Variants in EML1 observed in about 807,000 individuals in gnomAD.
EML1 encodes the protein EMAP like 1.
In EML1, 27 loss-of-function variants were observed where a neutral mutation model predicts 110.4. The ratio of observed to expected loss-of-function variants is 0.24; its 90% confidence interval spans 0.18 to 0.34. The LOEUF is 0.34. Among genes scored for constraint, EML1 ranks in the 10% least tolerant of loss-of-function variants. The pLI is 1.00. For synonymous variants in EML1, 344 were observed against 385.8 expected (o/e 0.89, Z 1.27); for missense variants, 741 against 1,030.9 (o/e 0.72, Z 3.85).
chr14:99,814,479 A>G (rs2058134353), intron 1 of EML1, among the ~76,000 whole-genome samples: 1 of 152,066 alleles, frequency 6.6e-6, no homozygotes, highest in Non-Finnish European at 1.5e-5. Flanking sequence ...TGCCCAGACC[A>G]GTCTCAAACT....
chr14:99,826,211 C>T (rs1169343837), intron 1 of EML1, among the ~76,000 whole-genome samples: 1 of 145,690 alleles, frequency 6.9e-6, no homozygotes, highest in East Asian at 2.1e-4. Flanking sequence ...CTCCCAGGTT[C>T]AAGCAATTCT....
intron 4 of EML1, among the ~76,000 whole-genome samples, chr14:99,888,615 C>A (rs2059524690): frequency 6.6e-6 from 1 of 152,130 alleles, no homozygotes; most frequent in Non-Finnish European, 1.5e-5. Flanking sequence ...GCTTAGCACA[C>A]AGAAAATGAC....
chr14:99,877,285 A>G (rs1387511700), intron 3 of EML1, among the ~76,000 whole-genome samples: 1 of 152,046 alleles, frequency 6.6e-6, no homozygotes, highest in Non-Finnish European at 1.5e-5. Context: ...CACCTCCCAA[A>G]GGCCCCACCC....
At chr14:99,938,249 G>C (rs531899075) in intron 20 of EML1, among the ~76,000 whole-genome samples, 1 of 151,986 alleles carries the variant, frequency 6.6e-6, no homozygotes, top group South Asian at 2.1e-4. Context: ...CATTTGTGAG[G>C]GTTATTATTT....
chr14:99,880,517 AAGG>A (rs1477753865), intron 4 of EML1, among the ~76,000 whole-genome samples: 1 of 152,156 alleles, frequency 6.6e-6, no homozygotes, highest in Non-Finnish European at 1.5e-5. Context: ...CAGGGAAGGA[AAGG>A]AGTAGGGAGG....
At chr14:99,822,266 G>T (rs998394779) in intron 1 of EML1, among the ~76,000 whole-genome samples, 1 of 152,140 alleles carries the variant, frequency 6.6e-6, no homozygotes, top group Non-Finnish European at 1.5e-5. Context: ...AATACCAAAT[G>T]CAGGCACTAT....
intron 17 of EML1, among the ~76,000 whole-genome samples, chr14:99,930,407 G>A (rs1398807645): frequency 3.3e-5 from 5 of 152,234 alleles, no homozygotes; most frequent in Admixed American, 6.5e-5. Flanking sequence ...CTCCAGGAGT[G>A]CATGTGGATC....
chr14:99,907,941 T>C (rs1350700966), intron 10 of EML1, among the ~76,000 whole-genome samples: 2 of 152,262 alleles, frequency 1.3e-5, no homozygotes, highest in Non-Finnish European at 2.9e-5. Context: ...TTTCGCCATG[T>C]CTGTAAGATT....
At position 99,793,637 on chromosome 14, in the gene EML1, C is replaced by G. The variant is rs903802011; in HGVS notation, c.67+94C>G. ...GGGACCAAGCCGAGGGGCCGAGGCC[C>G]GGCGGCCGCGGGCGAGGCCGCGCAA... On this transcript the variant is annotated intron_variant, in intron 1 of 21. Coordinates refer to ENST00000262233, the MANE Select transcript of EML1 (RefSeq NM_004434.3). 3.5e-4 allele frequency: 319 copies of G among 914,590 alleles called. 1 individual carries two copies. In the African/African-American group the frequency reaches 5.1e-3, roughly 15 times the overall value. 56.7% of individuals were successfully genotyped at this position (914,590 alleles called of 1,614,324 possible). A position where few individuals can be genotyped will look rare whatever the true frequency, so the allele number is the denominator to read the frequency against.
At chr14:99,860,563 G>A (rs1473660809) in intron 2 of EML1, among the ~76,000 whole-genome samples, 1 of 152,098 alleles carries the variant, frequency 6.6e-6, no homozygotes, top group Non-Finnish European at 1.5e-5. Flanking sequence ...TTTCTTCCTT[G>A]AGTGGCTAAT....
At position 99,874,577 on chromosome 14, in the gene EML1, A is replaced by G. The variant is rs574481275; in HGVS notation, c.384-3908A>G. 6.0e-4 allele frequency among the ~76,000 whole-genome samples: 89 copies of G among 147,436 alleles called. 1 individual carries two copies. Among genetic ancestry groups the G allele is most frequent in the African/African-American group, 2.3e-3 (87 of 37,144 alleles). On this transcript the variant is annotated intron_variant, in intron 3 of 21. Transcript: ENST00000262233. ...TCTCTGGCTGCCCTTGTTACTGCAA[A>G]TGTCTTGTCTTTAAGCTTTATTTTC...
intron 17 of EML1, among the ~76,000 whole-genome samples, chr14:99,932,867 C>G (rs1446183954): frequency 6.6e-6 from 1 of 151,948 alleles, no homozygotes; most frequent in East Asian, 1.9e-4. Flanking sequence ...ACCTGTAATC[C>G]CAGCACTTTG....
At chr14:99,858,357 G>C (rs770381209) in intron 2 of EML1, among the ~76,000 whole-genome samples, 1 of 152,060 alleles carries the variant, frequency 6.6e-6, no homozygotes, top group South Asian at 2.1e-4. Flanking sequence ...GCTAATTTTT[G>C]TATTTTTAGT....
chr14:99,928,821 C>T (rs1017718852), intron 17 of EML1, among the ~76,000 whole-genome samples: 3 of 152,202 alleles, frequency 2.0e-5, no homozygotes, highest in Non-Finnish European at 4.4e-5. Context: ...TCACCCTAAA[C>T]AGACAACTGC....
chr14:99,914,814 A>C, intron 15 of EML1, 117 bp downstream of exon 15: 1 of 1,365,428 alleles, frequency 7.3e-7, no homozygotes, highest in Non-Finnish European at 9.8e-7. Context: ...AATGTTATTT[A>C]TCTATTTAGA....
chr14:99,907,536 A>G, intron 9 of EML1, 102 bp from the exon 10 acceptor site: 1 of 986,722 alleles, frequency 1.0e-6, no homozygotes. Flanking sequence ...ACTACAATGT[A>G]GCAGACTCTT....
chr14:99,865,516 A>G lies in EML1; in HGVS notation c.253A>G (p.Arg85Gly), dbSNP rs369479741. The part of the protein sequence containing the change: ...VLNRKGPTKA[R>G]PLMQTLPLRT... ...ATTATTTTCTGCTTGTCTTACAGCA[A>G]GACCACTGATGCAGACCCTGCCTTT... The change falls in exon 3 of 22, where the codon AGA (arginine) becomes GGA (glycine). Residue 85 changes from arginine to glycine, a missense_variant and splice_region_variant. This residue lies in a region of EML1 where 226 missense variants were observed against 255.6 expected (regional missense o/e 0.88). Transcript: ENST00000262233. 6.2e-7 allele frequency: 1 copy of G among 1,613,862 alleles called. No homozygotes were observed. Among genetic ancestry groups the G allele is most frequent in the Non-Finnish European group, 8.5e-7 (1 of 1,179,920 alleles).
At chr14:99,752,254 C>A (rs2057185412) in intron 1 of EML1, among the ~76,000 whole-genome samples, 1 of 152,112 alleles carries the variant, frequency 6.6e-6, no homozygotes, top group South Asian at 2.1e-4. Flanking sequence ...ACTCGAAATT[C>A]CAAGTCCTTG....
At chr14:99,740,297 C>T (rs1190865335) in intron 1 of EML1, among the ~76,000 whole-genome samples, 25 of 152,180 alleles carry the variant, frequency 1.6e-4, no homozygotes, top group Admixed American at 1.6e-3. Context: ...TCCTCAGACC[C>T]TGTTAGCACA....
Sources: allele counts gnomAD v4.1 joint callset (sites outside exome capture counted in the v4.1 genomes callset), GRCh38; gene constraint gnomAD v4.1.1; regional missense constraint gnomAD v4.1.1; transcripts MANE v1.5; gene names NCBI Gene and HGNC (gene_info 2026-07-23, HGNC 2026-07-21).